Variants in PRKDC observed in about 807,000 individuals in gnomAD.
PRKDC encodes protein kinase, DNA-activated, catalytic subunit.
Under a neutral mutation model 486.9 loss-of-function variants are expected in PRKDC, and 82 were observed. The ratio of observed to expected loss-of-function variants is 0.17; its 90% confidence interval spans 0.14 to 0.20. The LOEUF (loss-of-function observed/expected upper bound fraction) is 0.20, where lower values mean the gene tolerates loss of function less well. Among genes scored for constraint, PRKDC ranks in the 10% least tolerant of loss-of-function variants. The probability of loss-of-function intolerance (pLI) is 1.00; values close to 1 mark genes in which losing one functional copy is unlikely to be tolerated. For missense variants in PRKDC, 4,504 were observed against 5,038.2 expected, an observed-to-expected ratio of 0.89 and a Z score of 3.21; for synonymous variants, 1,895 against 1,837.0, an observed-to-expected ratio of 1.03 and a Z score of -0.81.
At chr8:47,813,414 A>G (rs1213684758) in intron 68 of PRKDC, among the ~76,000 whole-genome samples, 1 of 152,020 alleles carries the variant, frequency 6.6e-6, no homozygotes, top group African/African-American at 2.4e-5. Flanking sequence ...CACCATGCCC[A>G]GCCAGAAATA....
chr8:47,947,596 C>A (rs193027233), intron 7 of PRKDC, among the ~76,000 whole-genome samples: 2 of 152,230 alleles, frequency 1.3e-5, no homozygotes, highest in Admixed American at 6.5e-5. Context: ...GGTGAAACCC[C>A]ATCTCTACAA....
chr8:47,821,683 A>G lies in PRKDC; in HGVS notation c.9032T>C (p.Leu3011Pro). The G allele has an allele frequency of 6.2e-7, 1 of 1,602,398 alleles. No homozygotes were observed. The highest frequency in any genetic ancestry group is 8.5e-7 in the Non-Finnish European group (1 of 1,173,804). ...TATACTGGCTGTAGAACAGTATTCA[A>G]GTGATTTCCACTCAGCAAGGTGGTT... is the stretch of plus-strand genomic sequence containing the variant. ...CYNHLAEWKS[L>P]EYCSTASIDS... The change falls in exon 65 of 86, where the codon CTT (leucine) becomes CCT (proline). Residue 3011 changes from leucine (L) to proline (P), a missense_variant. This residue lies in a region of PRKDC where 1,592 missense variants were observed against 1,724.6 expected (regional missense o/e 0.92). Coordinates refer to ENST00000314191, the MANE Select transcript of PRKDC (RefSeq NM_006904.7).
intron 73 of PRKDC, among the ~76,000 whole-genome samples, chr8:47,796,733 G>A (rs577860959): frequency 5.9e-5 from 9 of 151,966 alleles, no homozygotes; most frequent in Admixed American, 2.0e-4. Context: ...CCGAGTAGCT[G>A]GGTTTACAGG....
At position 47,836,493 on chromosome 8, in the gene PRKDC, C is replaced by T. The variant is rs868395298; in HGVS notation, c.7796G>A (p.Ser2599Asn). ...CACAAACATCGGAGTGAGAACAGTACTTCGGAAACGCCAATCAGAATCAAT... is the reference window on the plus strand; with the variant it reads ...CACAAACATCGGAGTGAGAACAGTATTTCGGAAACGCCAATCAGAATCAAT... ...YTIDSDWRFR[S>N]TVLTPMFVET... The change falls in exon 58 of 86, where the codon AGT becomes AAT. Residue 2599 changes from serine to asparagine, a missense_variant. This residue lies in a region of PRKDC where 1,592 missense variants were observed against 1,724.6 expected (regional missense o/e 0.92). Transcript: ENST00000314191. The T allele has an allele frequency of 1.9e-6, 3 of 1,608,264 alleles. No homozygotes were observed. The highest frequency in any genetic ancestry group is 1.7e-4 in the Middle Eastern group (1 of 6,050).
rs1473164248 is a variant in PRKDC, at chr8:47,778,591, A to T, written c.11721T>A (p.Ser3907=). The T allele has an allele frequency of 6.2e-7, 1 of 1,613,804 alleles. No individual in the cohort carries two copies. Among genetic ancestry groups the T allele is most frequent in the East Asian group, 2.2e-5 (1 of 44,866 alleles). ...AGTGGCTGATGCATATCAGAGCGTG[A>T]GAGCTGGCGAAGTGGGAGCGGAGCG... ...FLALRSHFAS[S]HALICISHWI... is the part of the protein sequence containing the mutation. The change falls in exon 83 of 86, where the codon TCT becomes TCA. Residue 3907 remains serine (S), a synonymous_variant. Transcript: ENST00000314191.
rs1375454963 is a variant in PRKDC at position 47,929,113 on chromosome 8, T to C, written c.2118A>G (p.Leu706=). 2 of 1,571,818 alleles carry C rather than the reference T, an allele frequency of 1.3e-6. No individual in the cohort carries two copies. The highest frequency in any genetic ancestry group is 1.7e-6 in the Non-Finnish European group (2 of 1,156,196). Residue 706 remains leucine (L), a synonymous_variant, in exon 19 of 86, where the codon TTA becomes TTG. Coordinates refer to ENST00000314191, the MANE Select transcript of PRKDC (RefSeq NM_006904.7). Reference sequence around the variant, plus strand: ...TTACCTCTTTGCCAAATTTCACAAATAAAGCAAAGCAAGAATACTTTTCTG... The same window carrying C: ...TTACCTCTTTGCCAAATTTCACAAACAAAGCAAAGCAAGAATACTTTTCTG... ...EDPEKYSCFA[L]FVKFGKEVAV...
At chr8:47,876,412 A>G (rs1310195237) in intron 40 of PRKDC, among the ~76,000 whole-genome samples, 2 of 152,212 alleles carry the variant, frequency 1.3e-5, no homozygotes, top group African/African-American at 4.8e-5. Flanking sequence ...CTGTAATCCC[A>G]GCACTTAGGG....
chr8:47,890,590 C>T, intron 31 of PRKDC, 110 bp from the exon 32 acceptor site: 1 of 686,016 alleles, frequency 1.5e-6, no homozygotes, highest in Non-Finnish European at 2.3e-6. Context: ...AGCAAAAATT[C>T]AAAATTTTTC....
At chr8:47,829,457 GATTT>G (rs552487686) in intron 61 of PRKDC, among the ~76,000 whole-genome samples, 201 of 152,190 alleles carry the variant, frequency 1.3e-3, no homozygotes, top group African/African-American at 4.6e-3. Context: ...AAATTCTACT[GATTT>G]AAGATTATAC....
rs1428724559 is a variant in PRKDC, at chr8:47,854,164, G to A, written c.6812C>T (p.Ser2271Leu). The A allele has an allele frequency of 1.2e-6, 2 of 1,613,578 alleles. No individual in the cohort carries two copies. Among genetic ancestry groups the A allele is most frequent in the South Asian group, 2.2e-5 (2 of 91,078 alleles). ...GATGCCTAGCAATTGAATCCCTACT[G>A]AGTTGTCTTTAGAATTAGGATCTTT... ...SGKDPNSKDN[S>L]VGIQLLGIVM... The change falls in exon 51 of 86, where the codon TCA becomes TTA. Residue 2271 changes from serine (S) to leucine (L), a missense_variant. By Grantham distance (145) the Ser-to-Leu change is moderately radical. Coordinates refer to ENST00000314191, the MANE Select transcript of PRKDC (RefSeq NM_006904.7).
intron 52 of PRKDC, among the ~76,000 whole-genome samples, chr8:47,850,512 C>T (rs2088378801): frequency 6.6e-6 from 1 of 152,088 alleles, no homozygotes; most frequent in Non-Finnish European, 1.5e-5. Flanking sequence ...AATAGAGATA[C>T]CGAATCTGTA....
rs1340604421 is a variant in PRKDC at position 47,941,104 on chromosome 8, T to C, written c.967-1407A>G. 2.1e-5 allele frequency among the ~76,000 whole-genome samples: 3 copies of C among 143,060 alleles called. No individual in the cohort carries two copies. The South Asian group carries it at 6.5e-4, about 31-fold the overall frequency. 93.9% of individuals were successfully genotyped at this position (143,060 alleles called of 152,430 possible). On this transcript the variant is annotated intron_variant, in intron 10 of 85. Coordinates refer to ENST00000314191, the MANE Select transcript of PRKDC (RefSeq NM_006904.7). ...AAGCTTGCGCTACTGCACTCCAGCC[T>C]GGGTGACAGAGCAAAACTCCATCTC...
chr8:47,865,827 T>C (rs745482657), intron 40 of PRKDC, among the ~76,000 whole-genome samples: 17 of 151,956 alleles, frequency 1.1e-4, no homozygotes, highest in African/African-American at 2.7e-4. Flanking sequence ...TATTAGGAGG[T>C]AAGGCTGTTG....
chr8:47,807,072 A>G, intron 69 of PRKDC, 65 bp downstream of exon 69: 2 of 1,482,044 alleles, frequency 1.3e-6, no homozygotes, highest in South Asian at 2.7e-5. Flanking sequence ...AAAAGCTAAA[A>G]TTAGAGAAAA....
intron 36 of PRKDC, among the ~76,000 whole-genome samples, chr8:47,882,827 C>T (rs1304885712): frequency 2.0e-5 from 3 of 152,246 alleles, no homozygotes; most frequent in African/African-American, 7.2e-5. Flanking sequence ...TTTGTACTCT[C>T]TGAAGCTAAC....
At chr8:47,955,691 T>C (rs1387438116) in intron 4 of PRKDC, among the ~76,000 whole-genome samples, 183 bp downstream of exon 4, 1 of 152,114 alleles carries the variant, frequency 6.6e-6, no homozygotes, top group Non-Finnish European at 1.5e-5. Context: ...CAGAAGAGTC[T>C]GAAAACAAAA....
chr8:47,811,343 A>G (rs1468922304), intron 68 of PRKDC, among the ~76,000 whole-genome samples: 1 of 152,202 alleles, frequency 6.6e-6, no homozygotes, highest in African/African-American at 2.4e-5. Flanking sequence ...AGAAATAAAG[A>G]TATCTTCAGA....
chr8:47,943,427 A>G, intron 9 of PRKDC, 61 bp from the exon 10 acceptor site: 2 of 1,488,822 alleles, frequency 1.3e-6, no homozygotes, highest in Non-Finnish European at 1.8e-6. Flanking sequence ...CAGAAAACCA[A>G]CAAACCTGCA....
At position 47,777,818 on chromosome 8, in the gene PRKDC, C is replaced by G. The variant is rs1447190870; in HGVS notation, c.11910G>C (p.Leu3970=). The G allele has an allele frequency of 1.3e-5, 21 of 1,613,866 alleles. No homozygotes were observed. The highest frequency in any genetic ancestry group is 1.8e-5 in the Non-Finnish European group (21 of 1,179,896). ...PFRLTRQFIN[L]MLPMKETGLM... ...GGCCCGTTTCTTTCATTGGTAACAT[C>G]AGATTGATAAACTGGCGAGTTAGCC... The change falls in exon 84 of 86, where the codon CTG becomes CTC. Residue 3970 remains leucine (L), a synonymous_variant. Coordinates refer to ENST00000314191, the MANE Select transcript of PRKDC (RefSeq NM_006904.7).
Sources: allele counts gnomAD v4.1 joint callset (sites outside exome capture counted in the v4.1 genomes callset), GRCh38; gene constraint gnomAD v4.1.1; regional missense constraint gnomAD v4.1.1; transcripts MANE v1.5; gene names NCBI Gene and HGNC (gene_info 2026-07-23, HGNC 2026-07-21).